The following COL5A2 variants were observed in gnomAD, a reference collection of about 807,000 sequenced individuals.
The protein encoded by COL5A2 is collagen type V alpha 2 chain.
A neutral mutation model predicts 208.2 loss-of-function variants in COL5A2; 23 were observed. The observed-to-expected ratio is 0.11, with a 90% confidence interval of 0.08 to 0.16. The LOEUF is 0.16. Among genes scored for constraint, COL5A2 ranks in the 10% least tolerant of loss-of-function variants. The pLI is 1.00. For missense variants in COL5A2, 1,590 were observed against 1,956.4 expected (o/e 0.81, Z 3.53); for synonymous variants, 625 against 628.5 (o/e 0.99, Z 0.08).
At chr2:189,175,116 G>C (rs1576574337) in intron 1 of COL5A2, among the ~76,000 whole-genome samples, 1 of 152,134 alleles carries the variant, frequency 6.6e-6, no homozygotes, top group Non-Finnish European at 1.5e-5. Context: ...ACTCCTAATA[G>C]TGGTGCTTCC....
At chr2:189,171,110 T>A (rs1363877912) in intron 1 of COL5A2, among the ~76,000 whole-genome samples, 2 of 150,612 alleles carry the variant, frequency 1.3e-5, no homozygotes, top group Non-Finnish European at 3.0e-5. Context: ...AGAGAGAGAG[T>A]GAGAGAGAGA....
At chr2:189,045,338 A>ATGTG in intron 46 of COL5A2, 106 bp from the exon 47 acceptor site, 1 of 707,094 alleles carries the variant, frequency 1.4e-6, no homozygotes, top group East Asian at 2.7e-5. Flanking sequence ...GCATATATAT[A>ATGTG]TATGTGTGTG....
At chr2:189,236,443 A>C in the COL5A2 span, among the ~76,000 whole-genome samples, 6 of 151,836 alleles carry the variant, frequency 4.0e-5, no homozygotes, top group African/African-American at 1.4e-4. Flanking sequence ...AAATATTGAC[A>C]AATAGTTTTC....
intron 1 of COL5A2, among the ~76,000 whole-genome samples, chr2:189,161,738 A>T (rs1306956207): frequency 6.6e-6 from 1 of 152,210 alleles, no homozygotes; most frequent in Non-Finnish European, 1.5e-5. Context: ...TGGGTTTGAG[A>T]GATGGTCTTT....
intron 11 of COL5A2, 67 bp downstream of exon 11, chr2:189,085,093 T>A: frequency 7.9e-7 from 1 of 1,270,734 alleles, no homozygotes; most frequent in Non-Finnish European, 1.1e-6. Context: ...TACAGAACAT[T>A]CTTGTTAACA....
At chr2:189,054,780 A>G (rs1285892849) in intron 35 of COL5A2, among the ~76,000 whole-genome samples, 1 of 145,968 alleles carries the variant, frequency 6.9e-6, no homozygotes, top group Non-Finnish European at 1.5e-5. Context: ...TGATCACAGC[A>G]CATGCATCTT....
At chr2:189,246,087 C>A in the COL5A2 span, among the ~76,000 whole-genome samples, 1 of 152,004 alleles carries the variant, frequency 6.6e-6, no homozygotes, top group African/African-American at 2.4e-5. Flanking sequence ...AACAGAAATA[C>A]GTTATTTTAT....
Position 189,179,673 on chromosome 2 carries a change from G to C in COL5A2, c.-69C>G. The C allele has an allele frequency of 1.3e-6, 2 of 1,549,812 alleles. No homozygotes were observed. Among genetic ancestry groups the C allele is most frequent in the Non-Finnish European group, 1.7e-6 (2 of 1,148,216 alleles). ...GATTCTGAGGTTATTGTAGCACCAT[G>C]AAGTCAGCTGTGGGCTCTTCTTTCA... On this transcript the variant is annotated 5_prime_UTR_variant, in exon 1 of 54. Transcript: ENST00000374866.
chr2:189,040,308 AT>A lies in COL5A2; in HGVS notation c.3634-746del, dbSNP rs529961483. ...CAGTATTCCTAGCCTTAGCCTTTGA[AT>A]TGACATAAATAAAGAGCCCTCCTGC... On this transcript the variant is annotated intron_variant, in intron 50 of 53. Coordinates refer to ENST00000374866, the MANE Select transcript of COL5A2 (RefSeq NM_000393.5). Among the ~76,000 whole-genome samples the A allele has an allele frequency of 2.0e-4, 29 of 147,808 alleles. 1 individual carries two copies. The East Asian group carries it at 5.7e-3, about 29-fold the overall frequency.
intron 11 of COL5A2, among the ~76,000 whole-genome samples, chr2:189,084,327 T>A (rs2105646569): frequency 6.6e-6 from 1 of 152,300 alleles, no homozygotes; most frequent in African/African-American, 2.4e-5. Flanking sequence ...ACATCAAAAT[T>A]TATACACATA....
At chr2:189,108,028 A>C (rs1687184080) in intron 2 of COL5A2, among the ~76,000 whole-genome samples, 1 of 151,672 alleles carries the variant, frequency 6.6e-6, no homozygotes, top group Non-Finnish European at 1.5e-5. Flanking sequence ...GGTTTGAATG[A>C]TATTATCTGA....
intron 1 of COL5A2, among the ~76,000 whole-genome samples, chr2:189,116,305 G>A (rs1327036200): frequency 6.6e-6 from 1 of 152,188 alleles, no homozygotes; most frequent in Non-Finnish European, 1.5e-5. Flanking sequence ...TGGGCTCCTG[G>A]ATGGGGTTCC....
upstream of COL5A2, among the ~76,000 whole-genome samples, chr2:189,184,353 G>A (rs549188251): frequency 6.6e-5 from 10 of 152,166 alleles, no homozygotes; most frequent in African/African-American, 2.4e-4. Context: ...CTGGACTGGT[G>A]TATGTGTTTT....
At chr2:189,228,616 A>C (rs187199342), upstream of COL5A2, among the ~76,000 whole-genome samples, 1 of 151,998 alleles carries the variant, frequency 6.6e-6, no homozygotes, top group Admixed American at 6.6e-5. Context: ...GATCATAAAG[A>C]AACAGAAAAA....
At chr2:189,223,043 A>G (rs1264611188) in intron 1 of COL5A2, among the ~76,000 whole-genome samples, 4 of 152,198 alleles carry the variant, frequency 2.6e-5, no homozygotes, top group African/African-American at 7.2e-5. Context: ...ATTTCAATTA[A>G]AAAGGTTAAA....
intron 2 of COL5A2, among the ~76,000 whole-genome samples, chr2:189,106,133 A>C (rs1687144386): frequency 6.6e-6 from 1 of 151,444 alleles, no homozygotes; most frequent in Non-Finnish European, 1.5e-5. Flanking sequence ...TTTAACTTGC[A>C]ATATGTTGAA....
At chr2:189,426,596 G>A in the COL5A2 span, among the ~76,000 whole-genome samples, 1 of 152,200 alleles carries the variant, frequency 6.6e-6, no homozygotes, top group Non-Finnish European at 1.5e-5. Context: ...AGGACCTCCT[G>A]AGGCTGCGTC....
chr2:189,153,807 A>G (rs1576559792), intron 1 of COL5A2, among the ~76,000 whole-genome samples: 1 of 152,150 alleles, frequency 6.6e-6, no homozygotes, highest in East Asian at 1.9e-4. Flanking sequence ...TTGTTCTGGC[A>G]ACACGTTTCA....
At chr2:189,263,906 T>C in the COL5A2 span, among the ~76,000 whole-genome samples, 3 of 152,106 alleles carry the variant, frequency 2.0e-5, no homozygotes, top group Non-Finnish European at 4.4e-5. Flanking sequence ...ATCTCCATCA[T>C]TAAGTGACAC....
Sources: allele counts gnomAD v4.1 joint callset (sites outside exome capture counted in the v4.1 genomes callset), GRCh38; gene constraint gnomAD v4.1.1; transcripts MANE v1.5; gene names NCBI Gene and HGNC (gene_info 2026-07-23, HGNC 2026-07-21).